Variants in LPAR3 observed in about 807,000 individuals in gnomAD.
LPAR3 encodes the protein lysophosphatidic acid receptor 3, also known as LPA receptor 3.
LPAR3 carries 7 observed loss-of-function variants against 17.8 expected under a neutral mutation model. That is an observed-to-expected ratio of 0.39 (90% confidence interval 0.22 to 0.74). The LOEUF (loss-of-function observed/expected upper bound fraction) is 0.74. Among genes scored for constraint, LPAR3 ranks in the 30% least tolerant of loss-of-function variants. The pLI is 0.40. For missense variants in LPAR3, 391 were observed against 453.4 expected, an observed-to-expected ratio of 0.86 and a Z score of 1.25; for synonymous variants, 179 against 179.9, an observed-to-expected ratio of 0.99 and a Z score of 0.04.
intron 2 of LPAR3, among the ~76,000 whole-genome samples, chr1:84,852,343 T>G (rs1294417461): frequency 1.3e-5 from 2 of 152,184 alleles, no homozygotes; most frequent in Admixed American, 1.3e-4. Flanking sequence ...CCTCCCAAAG[T>G]GCTGGGATTA....
At chr1:84,884,032 C>T (rs1051467415) in intron 1 of LPAR3, among the ~76,000 whole-genome samples, 2 of 152,200 alleles carry the variant, frequency 1.3e-5, no homozygotes, top group African/African-American at 4.8e-5. Flanking sequence ...TGGACATGCT[C>T]ACAGGCATGT....
chr1:84,884,883 G>A (rs1318054432), intron 1 of LPAR3, among the ~76,000 whole-genome samples: 1 of 152,200 alleles, frequency 6.6e-6, no homozygotes, highest in East Asian at 1.9e-4. Context: ...CAGTGAACAA[G>A]TTCCACTGGT....
chr1:84,814,513 GCACT>G (rs1658895468), intron 2 of LPAR3, among the ~76,000 whole-genome samples: 2 of 152,286 alleles, frequency 1.3e-5, no homozygotes, highest in East Asian at 3.9e-4. Flanking sequence ...AGGCTTTGTT[GCACT>G]CATTATCCAC....
chr1:84,832,129 A>G (rs1011388098), intron 2 of LPAR3, among the ~76,000 whole-genome samples: 3 of 151,996 alleles, frequency 2.0e-5, no homozygotes, highest in African/African-American at 7.3e-5. Flanking sequence ...GCTCAAATAC[A>G]AGGACCACCT....
intron 2 of LPAR3, among the ~76,000 whole-genome samples, chr1:84,828,445 T>A (rs1659208679): frequency 6.6e-6 from 1 of 152,218 alleles, no homozygotes; most frequent in African/African-American, 2.4e-5. Flanking sequence ...CTAATTTTCT[T>A]CAAAGTGATG....
Position 84,884,936 on chromosome 1 carries a change from C to T in LPAR3, c.-19+8080G>A, listed in dbSNP as rs1458997146. 2.0e-5 allele frequency among the ~76,000 whole-genome samples: 3 copies of T among 152,190 alleles called. No homozygotes were observed. In the South Asian group the frequency reaches 6.2e-4, roughly 31 times the overall value. On this transcript the variant is annotated intron_variant, in intron 1 of 2. Coordinates refer to ENST00000370611, the MANE Select transcript of LPAR3 (RefSeq NM_012152.3). ...CACCTAACCTTTTATTCCTCTCATC[C>T]CTGTCCAGCTAACGTTCTCTCACTG... is the stretch of plus-strand genomic sequence containing the variant.
rs189857237 is a variant in LPAR3 at position 84,873,244 on chromosome 1, A to G, written c.-18-7106T>C. Among the ~76,000 whole-genome samples the G allele has an allele frequency of 2.6e-4, 40 of 152,342 alleles. 1 individual carries two copies. The highest frequency in any genetic ancestry group is 8.9e-4 in the African/African-American group (37 of 41,582). On this transcript the variant is annotated intron_variant, in intron 1 of 2. Transcript: ENST00000370611. Reference sequence around the variant, plus strand: ...GTTAACATATCCCTATCAGTTCATTAACTGCAACAAATATACCACAGTAAT... The same window carrying G: ...GTTAACATATCCCTATCAGTTCATTGACTGCAACAAATATACCACAGTAAT...
intron 2 of LPAR3, among the ~76,000 whole-genome samples, chr1:84,855,504 GA>G (rs1212221957): frequency 6.6e-6 from 1 of 152,156 alleles, no homozygotes; most frequent in Non-Finnish European, 1.5e-5. Flanking sequence ...GGTCAAATTT[GA>G]GAAATGTTTC....
chr1:84,814,060 A>G lies in LPAR3; in HGVS notation c.848T>C (p.Leu283Pro), dbSNP rs1239020764. The change falls in exon 3 of 3, where the codon CTG (leucine) becomes CCG (proline). Residue 283 changes from leucine (L) to proline (P), a missense_variant. Coordinates refer to ENST00000370611, the MANE Select transcript of LPAR3 (RefSeq NM_012152.3). ...HVKRWFLLLA[L>P]LNSVVNPIIY... ...GATGGGGTTCACGACGGAGTTGAGC[A>G]GCGCCAGCAGCAGGAACCACCTTTT... is the stretch of plus-strand genomic sequence containing the variant. The G allele has an allele frequency of 5.6e-6, 9 of 1,614,172 alleles. No homozygotes were observed. Among genetic ancestry groups the G allele is most frequent in the Non-Finnish European group, 7.6e-6 (9 of 1,180,028 alleles).
At chr1:84,846,683 T>C (rs1325272) in intron 2 of LPAR3, among the ~76,000 whole-genome samples, 120,834 of 151,916 alleles carry the variant, frequency 0.8, 48,186 homozygotes, top group African/African-American at 0.86. Flanking sequence ...CTCCTTTAGA[T>C]CACACCATTA....
chr1:84,831,447 C>A (rs1251132843), intron 2 of LPAR3, among the ~76,000 whole-genome samples: 3 of 152,090 alleles, frequency 2.0e-5, no homozygotes, highest in African/African-American at 7.2e-5. Context: ...CATAGCAGGA[C>A]TCCATCTCTA....
intron 2 of LPAR3, among the ~76,000 whole-genome samples, chr1:84,849,704 C>G (rs756820263): frequency 2.0e-5 from 3 of 152,156 alleles, no homozygotes; most frequent in East Asian, 1.9e-4. Context: ...AGTGCTCGAG[C>G]CTGGTGATAA....
At chr1:84,843,975 AT>A (rs1659553054) in intron 2 of LPAR3, among the ~76,000 whole-genome samples, 1 of 152,064 alleles carries the variant, frequency 6.6e-6, no homozygotes, top group African/African-American at 2.4e-5. Flanking sequence ...TACCACCCTT[AT>A]CTCTCTCCCC....
In LPAR3 at chr1:84,814,034, T is replaced by C. The variant is rs775022279; in HGVS notation, c.874A>G (p.Ile292Val). Residue 292 changes from isoleucine to valine, a missense_variant, in exon 3 of 3, where the codon ATC becomes GTC. By Grantham distance (29) the Ile-to-Val change is conservative (BLOSUM62 3). Transcript: ENST00000370611. ...ALLNSVVNPI[I>V]YSYKDEDMYG... is the part of the protein sequence containing the mutation. ...ATGTCCTCGTCCTTGTAGGAGTAGA[T>C]GATGGGGTTCACGACGGAGTTGAGC... 1.2e-6 allele frequency: 2 copies of C among 1,614,168 alleles called. No homozygotes were observed. Among genetic ancestry groups the C allele is most frequent in the South Asian group, 1.1e-5 (1 of 91,076 alleles).
rs980945348 is a variant in LPAR3, at chr1:84,825,600, C to G, written c.737-11429G>C. On this transcript the variant is annotated intron_variant, in intron 2 of 2. Coordinates refer to ENST00000370611, the MANE Select transcript of LPAR3 (RefSeq NM_012152.3). Reference sequence around the variant, plus strand: ...GGCTCACTGAACATCCGCTCCTTCTCCAGGTCTCCAGTACTGTACTTTATC... The same window carrying G: ...GGCTCACTGAACATCCGCTCCTTCTGCAGGTCTCCAGTACTGTACTTTATC... 1.1e-4 allele frequency among the ~76,000 whole-genome samples: 16 copies of G among 152,194 alleles called. 1 individual carries two copies. The highest frequency in any genetic ancestry group is 9.2e-4 in the Admixed American group (14 of 15,272).
At chr1:84,874,618 G>C (rs1452537042) in intron 1 of LPAR3, among the ~76,000 whole-genome samples, 1 of 152,130 alleles carries the variant, frequency 6.6e-6, no homozygotes, top group Non-Finnish European at 1.5e-5. Flanking sequence ...CAAATTCCTT[G>C]ACTTAGTTTA....
At chr1:84,838,067 A>G (rs957532794) in intron 2 of LPAR3, among the ~76,000 whole-genome samples, 12 of 152,156 alleles carry the variant, frequency 7.9e-5, no homozygotes, top group Non-Finnish European at 1.3e-4. Flanking sequence ...CAGTTCTAGC[A>G]TGTATTGGGG....
chr1:84,856,802 C>G (rs551654714), intron 2 of LPAR3, among the ~76,000 whole-genome samples: 2 of 152,308 alleles, frequency 1.3e-5, no homozygotes, highest in African/African-American at 4.8e-5. Flanking sequence ...TGCTGTATCA[C>G]AGGACTCTTG....
At chr1:84,820,809 T>G (rs1659038084) in intron 2 of LPAR3, among the ~76,000 whole-genome samples, 1 of 152,050 alleles carries the variant, frequency 6.6e-6, no homozygotes, top group Admixed American at 6.5e-5. Flanking sequence ...ATTAAGAAAA[T>G]CTTTCTATGT....
Sources: gnomAD v4.1 joint callset for allele counts (sites outside exome capture counted in the v4.1 genomes callset) on GRCh38, gnomAD v4.1.1 for gene constraint, MANE v1.5 for transcripts, NCBI Gene and HGNC (gene_info 2026-07-23, HGNC 2026-07-21) for gene names.